PCDHA10: variants seen among roughly 807,000 people sequenced by gnomAD.
PCDHA10 encodes the protein protocadherin alpha 10, also known as protocadherin alpha-10.
PCDHA10 carries 45 observed loss-of-function variants against 61.2 expected under a neutral mutation model. The observed-to-expected ratio is 0.74, with a 90% confidence interval of 0.58 to 0.94. PCDHA10 has a LOEUF of 0.94. Among genes scored for constraint, PCDHA10 ranks in the 40% least tolerant of loss-of-function variants. PCDHA10 has a pLI of 0.00. For missense variants in PCDHA10, 1,278 were observed against 1,236.2 expected (o/e 1.03, Z -0.51); for synonymous variants, 602 against 548.8 (o/e 1.10, Z -1.35).
chr5:140,872,424 C>T (rs534204647), intron 1 of PCDHA10, among the ~76,000 whole-genome samples: 4 of 152,028 alleles, frequency 2.6e-5, no homozygotes, highest in South Asian at 2.1e-4. Context: ...CCCAAGAGTT[C>T]GAGGCCTGCC....
At chr5:140,946,705 T>A (rs246053) in intron 1 of PCDHA10, among the ~76,000 whole-genome samples, 81,982 of 146,914 alleles carry the variant, frequency 0.56, 23,474 homozygotes, top group African/African-American at 0.69. Context: ...AATCTGGAGG[T>A]CATTATGTTT....
chr5:141,007,981 T>C (rs1346324109), intron 3 of PCDHA10, among the ~76,000 whole-genome samples: 1 of 152,260 alleles, frequency 6.6e-6, no homozygotes, highest in African/African-American at 2.4e-5. Context: ...GTCATGTATA[T>C]ATGAAATGTA....
At chr5:140,925,408 G>C (rs2082482597) in intron 1 of PCDHA10, among the ~76,000 whole-genome samples, 1 of 152,058 alleles carries the variant, frequency 6.6e-6, no homozygotes, top group Non-Finnish European at 1.5e-5. Flanking sequence ...TCCTTCTTAG[G>C]GAAAGGAACT....
intron 1 of PCDHA10, among the ~76,000 whole-genome samples, chr5:140,926,207 C>A (rs1259453811): frequency 6.6e-6 from 1 of 152,074 alleles, no homozygotes; most frequent in Non-Finnish European, 1.5e-5. Flanking sequence ...TCGGGGGGCT[C>A]CTGTTTCCTT....
Position 140,881,379 on chromosome 5 carries a change from C to T in PCDHA10, c.2388+22943C>T, listed in dbSNP as rs1235654163. ...TGGCTTTCGTATGAATTGCAGCCGG[C>T]GGCGGTAAGTTAAATTCTATTAAAT... On this transcript the variant is annotated intron_variant, in intron 1 of 3. Transcript: ENST00000307360. The T allele has an allele frequency of 7.1e-6, 7 of 984,332 alleles. No individual in the cohort carries two copies. In the African/African-American group the frequency reaches 1.0e-4, roughly 15 times the overall value. 61.0% of individuals were successfully genotyped at this position (984,332 alleles called of 1,614,324 possible).
At chr5:140,996,173 A>G (rs2097715399) in intron 3 of PCDHA10, among the ~76,000 whole-genome samples, 1 of 152,236 alleles carries the variant, frequency 6.6e-6, no homozygotes, top group Non-Finnish European at 1.5e-5. Flanking sequence ...ATGTGCTGAC[A>G]GCACCTCCAT....
Position 140,968,897 on chromosome 5 carries a change from G to A in PCDHA10, c.2389-10052G>A, listed in dbSNP as rs1554231210. On this transcript the variant is annotated intron_variant, in intron 1 of 3. Transcript: ENST00000307360. The stretch of plus-strand genomic sequence containing the variant: ...TGAAATTACCCTTTATCTAATAATA[G>A]CATTAAGCACAGTGTCTTTTATATT... The A allele has an allele frequency of 3.7e-6, 6 of 1,614,034 alleles. No homozygotes were observed. In the African/African-American group the frequency reaches 4.0e-5, roughly 11 times the overall value.
Position 140,876,997 on chromosome 5 carries a change from T to G in PCDHA10, c.2388+18561T>G, listed in dbSNP as rs1024280391. 6.8e-6 allele frequency: 11 copies of G among 1,612,358 alleles called. No homozygotes were observed. The African/African-American group carries it at 1.1e-4, about 16-fold the overall frequency. On this transcript the variant is annotated intron_variant, in intron 1 of 3. Transcript: ENST00000307360. ...CGAGCACGCACTGTCGAGCTACGTG[T>G]CGGTGCACGCGGAGAGCGGCAAGGT...
intron 1 of PCDHA10, among the ~76,000 whole-genome samples, chr5:140,920,362 T>C (rs1167382464): frequency 6.6e-6 from 1 of 152,238 alleles, no homozygotes; most frequent in African/African-American, 2.4e-5. Context: ...GTTCTATTCA[T>C]TTATTCTTGT....
At chr5:140,936,577 A>G (rs776415020) in intron 1 of PCDHA10, among the ~76,000 whole-genome samples, 1 of 152,186 alleles carries the variant, frequency 6.6e-6, no homozygotes, top group Non-Finnish European at 1.5e-5. Flanking sequence ...TCCACTTGTA[A>G]ATCCAGTTAG....
intron 1 of PCDHA10, among the ~76,000 whole-genome samples, chr5:140,921,390 T>G (rs2080194479): frequency 6.6e-6 from 1 of 152,164 alleles, no homozygotes; most frequent in Non-Finnish European, 1.5e-5. Context: ...TTGATAAACA[T>G]TCACACTAGA....
At chr5:140,919,124 A>G (rs1195742790) in intron 1 of PCDHA10, among the ~76,000 whole-genome samples, 1 of 151,996 alleles carries the variant, frequency 6.6e-6, no homozygotes, top group Non-Finnish European at 1.5e-5. Flanking sequence ...TTTTTGCTTC[A>G]TGTGTTTTGG....
At position 140,927,644 on chromosome 5, in the gene PCDHA10, T is replaced by C. The variant is rs370145398; in HGVS notation, c.2389-51305T>C. On this transcript the variant is annotated intron_variant, in intron 1 of 3. Coordinates refer to ENST00000307360, the MANE Select transcript of PCDHA10 (RefSeq NM_018901.4). The stretch of plus-strand genomic sequence containing the variant: ...CCAGAGACTGCACCCAATGGGACTG[T>C]GTTATTCCGAGTTCAAGCCTTGGAT... The C allele has an allele frequency of 4.6e-5, 74 of 1,614,028 alleles. 1 individual carries two copies. Among genetic ancestry groups the C allele is most frequent in the Non-Finnish European group, 5.8e-5 (68 of 1,180,020 alleles).
intron 1 of PCDHA10, chr5:140,871,054 A>G: frequency 6.2e-7 from 1 of 1,613,204 alleles, no homozygotes. Flanking sequence ...AGTACTGGTG[A>G]AGGATCACGG....
chr5:140,888,197 C>T (rs190439070), intron 1 of PCDHA10, among the ~76,000 whole-genome samples: 18 of 152,162 alleles, frequency 1.2e-4, no homozygotes, highest in East Asian at 1.2e-3. Flanking sequence ...TTTACATTGT[C>T]GGATGCTGGA....
chr5:140,968,476 G>A (rs1295691287), intron 1 of PCDHA10: 1 of 1,613,974 alleles, frequency 6.2e-7, no homozygotes, highest in East Asian at 2.2e-5. Flanking sequence ...TATATGTGGT[G>A]GACATGAATG....
At chr5:140,875,445 C>A (rs2055496471) in intron 1 of PCDHA10, 1 of 1,582,278 alleles carries the variant, frequency 6.3e-7, no homozygotes, top group Middle Eastern at 1.7e-4. Context: ...AACTGATTGT[C>A]CCAACTCAGA....
At chr5:140,876,445 A>G in intron 1 of PCDHA10, 1 of 1,614,014 alleles carries the variant, frequency 6.2e-7, no homozygotes, top group Non-Finnish European at 8.5e-7. Context: ...CGCCATTGAT[A>G]AAGGGATTCC....
At chr5:141,008,211 G>A (rs1032443788) in intron 3 of PCDHA10, among the ~76,000 whole-genome samples, 6 of 152,168 alleles carry the variant, frequency 3.9e-5, no homozygotes, top group Admixed American at 2.0e-4. Context: ...AACTTGACAT[G>A]AGTTATGTTA....
Sources: gnomAD v4.1 joint callset for allele counts (sites outside exome capture counted in the v4.1 genomes callset) on GRCh38, gnomAD v4.1.1 for gene constraint, MANE v1.5 for transcripts, NCBI Gene and HGNC (gene_info 2026-07-23, HGNC 2026-07-21) for gene names.